The following CADM2 variants were observed in gnomAD, a reference collection of about 807,000 sequenced individuals.
CADM2 encodes the protein cell adhesion molecule 2, also known as immunoglobulin superfamily member 4D.
Under a neutral mutation model 49.8 loss-of-function variants are expected in CADM2, and 12 were observed. That is an observed-to-expected ratio of 0.24 (90% CI 0.15 to 0.39). CADM2 has a LOEUF of 0.39. CADM2 is among the 10% of genes least tolerant of loss of function. The pLI, the probability that CADM2 is intolerant of heterozygous loss-of-function variation, is 1.00. For missense variants in CADM2, 378 were observed against 492.3 expected, an observed-to-expected ratio of 0.77 and a Z score of 2.20; for synonymous variants, 214 against 175.4, an observed-to-expected ratio of 1.22 and a Z score of -1.74.
intron 1 of CADM2, among the ~76,000 whole-genome samples, chr3:85,468,627 T>C (rs2038628039): frequency 6.6e-6 from 1 of 152,226 alleles, no homozygotes; most frequent in Admixed American, 6.5e-5. Context: ...AACTCTTGTT[T>C]ATATCAATTA....
rs983630753 is a variant in CADM2, at chr3:85,980,692, A to G, written c.970+19045A>G. On this transcript the variant is annotated intron_variant, in intron 8 of 9. Transcript: ENST00000383699. ...ATTATGTAAAATGAAAGTTATCTAA[A>G]GTTCTACTTTGCTTTAATTTGTGAT... Among the ~76,000 whole-genome samples, 67 of 151,606 alleles carry G rather than the reference A, an allele frequency of 4.4e-4. 1 individual carries two copies. The highest frequency in any genetic ancestry group is 1.4e-3 in the African/African-American group (56 of 41,394).
chr3:85,435,966 G>C (rs1231218368), intron 1 of CADM2, among the ~76,000 whole-genome samples: 6 of 151,726 alleles, frequency 4.0e-5, no homozygotes, highest in Non-Finnish European at 8.8e-5. Context: ...CTCCCATTCT[G>C]TAAGTTGCCT....
intron 1 of CADM2, among the ~76,000 whole-genome samples, chr3:85,366,352 G>A (rs1559802608): frequency 6.6e-6 from 1 of 152,130 alleles, no homozygotes; most frequent in Admixed American, 6.5e-5. Context: ...AGATTTTGGT[G>A]TTTTATTTCT....
At chr3:85,118,404 G>T (rs1575909762) in intron 1 of CADM2, among the ~76,000 whole-genome samples, 1 of 152,228 alleles carries the variant, frequency 6.6e-6, no homozygotes, top group East Asian at 1.9e-4. Flanking sequence ...ATGGAAAGAG[G>T]TTTAATGGAC....
At chr3:85,915,343 G>T (rs1718142137) in intron 6 of CADM2, among the ~76,000 whole-genome samples, 1 of 152,094 alleles carries the variant, frequency 6.6e-6, no homozygotes, top group Admixed American at 6.6e-5. Flanking sequence ...TGGCTAGAAG[G>T]CAGAAACCAG....
chr3:85,328,128 T>C (rs950180474), intron 1 of CADM2, among the ~76,000 whole-genome samples: 1 of 152,208 alleles, frequency 6.6e-6, no homozygotes, highest in Admixed American at 6.5e-5. Flanking sequence ...TGTGGTTCTC[T>C]AGTAACAAGT....
At chr3:85,741,623 G>A (rs867779679) in intron 2 of CADM2, among the ~76,000 whole-genome samples, 3 of 152,234 alleles carry the variant, frequency 2.0e-5, no homozygotes, top group South Asian at 2.1e-4. Context: ...AGCCGAGATC[G>A]TGCCATTGCA....
intron 1 of CADM2, among the ~76,000 whole-genome samples, chr3:85,087,269 T>A (rs1394885620): frequency 6.6e-6 from 1 of 152,174 alleles, no homozygotes; most frequent in African/African-American, 2.4e-5. Context: ...TGTTCCTGGA[T>A]ATTTATAGAA....
chr3:85,017,352 A>C (rs1275470469), intron 1 of CADM2, among the ~76,000 whole-genome samples: 1 of 152,332 alleles, frequency 6.6e-6, no homozygotes, highest in East Asian at 1.9e-4. Flanking sequence ...CCAACAGATT[A>C]AGTGTTGGAA....
chr3:85,231,000 A>G (rs945253451), intron 1 of CADM2, among the ~76,000 whole-genome samples: 2 of 127,832 alleles, frequency 1.6e-5, no homozygotes, highest in African/African-American at 8.6e-5. Context: ...TTTTTTCTGG[A>G]AAAAAAAAAA....
chr3:84,983,553 G>A (rs998742206), intron 1 of CADM2, among the ~76,000 whole-genome samples: 7 of 152,018 alleles, frequency 4.6e-5, no homozygotes, highest in African/African-American at 1.7e-4. Context: ...TCTGTTCAAA[G>A]TTCTTAGAGG....
At chr3:85,506,669 G>A (rs1372460017) in intron 1 of CADM2, among the ~76,000 whole-genome samples, 1 of 151,996 alleles carries the variant, frequency 6.6e-6, no homozygotes, top group Non-Finnish European at 1.5e-5. Context: ...CAAAAAGCTA[G>A]GACTACAGGC....
chr3:85,798,412 T>G lies in CADM2; in HGVS notation c.89-3635T>G, dbSNP rs929312936. Among the ~76,000 whole-genome samples, 4 of 152,202 alleles carry G rather than the reference T, an allele frequency of 2.6e-5. 1 individual carries two copies. The highest frequency in any genetic ancestry group is 5.9e-5 in the Non-Finnish European group (4 of 68,036). On this transcript the variant is annotated intron_variant, in intron 2 of 9. Coordinates refer to ENST00000383699, the MANE Select transcript of CADM2 (RefSeq NM_001167675.2). ...TTTTACGGTTTCAGATCTTAATGTT[T>G]AAATCTTTAATCCATCTTGAGTTAA...
chr3:85,290,906 T>C (rs1001085181), intron 1 of CADM2, among the ~76,000 whole-genome samples: 1 of 152,178 alleles, frequency 6.6e-6, no homozygotes, highest in Non-Finnish European at 1.5e-5. Flanking sequence ...GGAACGCAGT[T>C]CCTCACCAGC....
chr3:85,846,661 G>A (rs2074894154), intron 3 of CADM2, among the ~76,000 whole-genome samples: 1 of 152,218 alleles, frequency 6.6e-6, no homozygotes, highest in African/African-American at 2.4e-5. Context: ...GTAGCCAGGA[G>A]TTTAAGACCA....
intron 8 of CADM2, among the ~76,000 whole-genome samples, chr3:86,006,829 T>A (rs1369462956): frequency 6.6e-6 from 1 of 151,908 alleles, no homozygotes; most frequent in Non-Finnish European, 1.5e-5. Context: ...TCACCTGAGG[T>A]CAGGAGTTCG....
intron 1 of CADM2, among the ~76,000 whole-genome samples, chr3:85,129,353 T>C (rs1191714516): frequency 2.0e-5 from 3 of 152,232 alleles, no homozygotes; most frequent in African/African-American, 7.2e-5. Flanking sequence ...AATATTTATA[T>C]CTCTTTTTAT....
intron 1 of CADM2, among the ~76,000 whole-genome samples, chr3:85,190,256 G>A (rs1409659756): frequency 2.0e-5 from 3 of 151,994 alleles, no homozygotes; most frequent in African/African-American, 7.2e-5. Context: ...GTTTTCAATA[G>A]GATGTGCTTG....
At chr3:85,789,960 T>C (rs185645175) in intron 2 of CADM2, among the ~76,000 whole-genome samples, 51 of 152,312 alleles carry the variant, frequency 3.3e-4, no homozygotes, top group Non-Finnish European at 6.0e-4. Flanking sequence ...TTTTAAGACA[T>C]GCTAAAGCAA....
Sources: gnomAD v4.1 joint callset for allele counts (sites outside exome capture counted in the v4.1 genomes callset) on GRCh38, gnomAD v4.1.1 for gene constraint, MANE v1.5 for transcripts, NCBI Gene and HGNC (gene_info 2026-07-23, HGNC 2026-07-21) for gene names.